The following RAB11FIP3 variants were observed in gnomAD, a reference collection of about 807,000 sequenced individuals.
RAB11FIP3 encodes the protein RAB11 family interacting protein 3, also known as rab11 family-interacting protein 3.
A neutral mutation model predicts 77.8 loss-of-function variants in RAB11FIP3; 17 were observed. The ratio of observed to expected loss-of-function variants is 0.22; its 90% CI spans 0.15 to 0.33. RAB11FIP3 has a LOEUF of 0.33. RAB11FIP3 is among the 10% of genes least tolerant of loss of function. The probability of loss-of-function intolerance (pLI) is 1.00; values close to 1 mark genes in which losing one functional copy is unlikely to be tolerated. For synonymous variants in RAB11FIP3, 437 were observed against 448.2 expected (o/e 0.98, Z 0.31); for missense variants, 1,005 against 1,011.2 (o/e 0.99, Z 0.08).
At chr16:489,769 G>A (rs2030005324) in intron 5 of RAB11FIP3, among the ~76,000 whole-genome samples, 1 of 152,236 alleles carries the variant, frequency 6.6e-6, no homozygotes, top group African/African-American at 2.4e-5. Context: ...GGTGGAGGGC[G>A]GTGCAGGAGG....
chr16:451,343 C>T (rs1268851443), intron 1 of RAB11FIP3: 1 of 152,210 alleles, frequency 6.6e-6, no homozygotes, highest in Non-Finnish European at 1.5e-5. Context: ...TGCCTCACCC[C>T]TGCACCTCAC....
chr16:446,173 G>A (rs1485047721), intron 1 of RAB11FIP3, among the ~76,000 whole-genome samples: 1 of 152,076 alleles, frequency 6.6e-6, no homozygotes, highest in Non-Finnish European at 1.5e-5. Context: ...GAGCCCAAGA[G>A]TTTGAAGCTG....
intron 5 of RAB11FIP3, among the ~76,000 whole-genome samples, chr16:490,040 A>G (rs977941226): frequency 1.3e-5 from 2 of 151,982 alleles, no homozygotes; most frequent in Non-Finnish European, 2.9e-5. Context: ...GCGTTTCTAA[A>G]CTTGGGTCTC....
chr16:483,794 C>T (rs192870478), intron 4 of RAB11FIP3, among the ~76,000 whole-genome samples: 46 of 152,016 alleles, frequency 3.0e-4, no homozygotes, highest in Non-Finnish European at 5.4e-4. Flanking sequence ...TATCTTAAGC[C>T]GAGGCATTCC....
chr16:508,298 C>T (rs937066228), intron 8 of RAB11FIP3, among the ~76,000 whole-genome samples: 2 of 152,230 alleles, frequency 1.3e-5, no homozygotes, highest in Non-Finnish European at 2.9e-5. Context: ...GTTTCCCACC[C>T]TACATACTTG....
rs530866454 is a variant in RAB11FIP3 at position 485,087 on chromosome 16, T to C, written c.1115+2351T>C. On this transcript the variant is annotated intron_variant, in intron 4 of 13. Coordinates refer to ENST00000262305, the MANE Select transcript of RAB11FIP3 (RefSeq NM_014700.4). ...GGAGCTCCTCTGCCTGCTCACTGCTTGCGGGAGGGGTCTGCAGACTTTTTC... is the reference window on the plus strand; with the variant it reads ...GGAGCTCCTCTGCCTGCTCACTGCTCGCGGGAGGGGTCTGCAGACTTTTTC... 1.1e-4 allele frequency among the ~76,000 whole-genome samples: 16 copies of C among 152,174 alleles called. No homozygotes were observed. The East Asian group carries it at 2.7e-3, about 26-fold the overall frequency.
intron 10 of RAB11FIP3, 128 bp from the exon 11 acceptor site, chr16:519,626 G>A (rs2032577404): frequency 7.8e-6 from 10 of 1,274,828 alleles, no homozygotes; most frequent in African/African-American, 3.0e-5. Context: ...GCCCTGTCGC[G>A]CTCCAAGCAC....
chr16:431,040 A>G (rs1254988634), intron 1 of RAB11FIP3, among the ~76,000 whole-genome samples: 1 of 152,092 alleles, frequency 6.6e-6, no homozygotes, highest in Non-Finnish European at 1.5e-5. Flanking sequence ...TTAGCCTTGA[A>G]TTTGAGTGAA....
rs186119323 is a variant in RAB11FIP3, at chr16:435,199, C to G, written c.714+8479C>G. Among the ~76,000 whole-genome samples the G allele has an allele frequency of 8.3e-3, 1,210 of 146,274 alleles. 16 individuals are homozygous for G. Among genetic ancestry groups the G allele is most frequent in the African/African-American group, 0.03 (1,151 of 38,546 alleles). On this transcript the variant is annotated intron_variant, in intron 1 of 13. Coordinates refer to ENST00000262305, the MANE Select transcript of RAB11FIP3 (RefSeq NM_014700.4). The stretch of plus-strand genomic sequence containing the variant: ...CAGCCTGGGCGACAGAGCGAGACTC[C>G]GTCTCAAAAAAAAAAAAAAAAAGTT...
At chr16:504,033 CACT>C (rs1368892922) in intron 7 of RAB11FIP3, among the ~76,000 whole-genome samples, 2 of 65,886 alleles carry the variant, frequency 3.0e-5, no homozygotes, top group African/African-American at 6.1e-5. Flanking sequence ...TGTACCCCCT[CACT>C]ACCTCCTGTA....
intron 1 of RAB11FIP3, among the ~76,000 whole-genome samples, chr16:438,458 T>C (rs1287615455): frequency 1.4e-5 from 2 of 138,940 alleles, no homozygotes; most frequent in African/African-American, 5.6e-5. Context: ...CAGGCTGGAG[T>C]GCAGTGGCAC....
rs551554932 is a variant in RAB11FIP3 at position 444,645 on chromosome 16, C to T, written c.715-16759C>T. On this transcript the variant is annotated intron_variant, in intron 1 of 13. Transcript: ENST00000262305. ...GGTGTTTTACTTGAGGTCAGGAGTT[C>T]GAAACCAGCCTGGGCAACACAGCGA... 4.0e-5 allele frequency among the ~76,000 whole-genome samples: 6 copies of T among 150,904 alleles called. No individual in the cohort carries two copies. The South Asian group carries it at 6.3e-4, about 16-fold the overall frequency.
In RAB11FIP3 at chr16:461,597, T is replaced by C. The variant is rs890272486; in HGVS notation, c.808+100T>C. On this transcript the variant is annotated intron_variant, in intron 2 of 13. Coordinates refer to ENST00000262305, the MANE Select transcript of RAB11FIP3 (RefSeq NM_014700.4). This position sits in a 1 kb window ranked among gnomAD's most constrained non-coding sequence, Gnocchi z 4.5. The stretch of plus-strand genomic sequence containing the variant: ...CAGGCTCCTCGTGCTGACTCTAACA[T>C]CTTTCCTTCTCCTTGAAGCCCCCAA... 1.0e-6 allele frequency: 1 copy of C among 957,254 alleles called. No homozygotes were observed. Among genetic ancestry groups the C allele is most frequent in the African/African-American group, 1.6e-5 (1 of 60,938 alleles). 59.3% of individuals were successfully genotyped at this position (957,254 alleles called of 1,614,324 possible).
chr16:456,786 C>T (rs187235690), intron 1 of RAB11FIP3, among the ~76,000 whole-genome samples: 22 of 152,202 alleles, frequency 1.4e-4, no homozygotes, highest in Admixed American at 8.5e-4. Context: ...AACAAAAAAA[C>T]AACAACAAAT....
At chr16:447,992 GA>G (rs35119718) in intron 1 of RAB11FIP3, among the ~76,000 whole-genome samples, 2 of 64,200 alleles carry the variant, frequency 3.1e-5, no homozygotes, top group Non-Finnish European at 5.1e-5. Context: ...AAAGGAAAAA[GA>G]AAAAAAACTG....
chr16:489,024 A>G, intron 5 of RAB11FIP3, 24 bp downstream of exon 5: 1 of 1,601,504 alleles, frequency 6.2e-7, no homozygotes, highest in East Asian at 2.3e-5. Flanking sequence ...GTTCCAGCAC[A>G]CCCTCCTCCC....
At chr16:441,678 C>G (rs1160661170) in intron 1 of RAB11FIP3, among the ~76,000 whole-genome samples, 1 of 152,218 alleles carries the variant, frequency 6.6e-6, no homozygotes, top group Non-Finnish European at 1.5e-5. Context: ...CCCCATGCTG[C>G]TCCTTTCTTG....
intron 1 of RAB11FIP3, among the ~76,000 whole-genome samples, chr16:430,974 G>A (rs1401603722): frequency 1.3e-5 from 2 of 152,248 alleles, no homozygotes; most frequent in Non-Finnish European, 2.9e-5. Flanking sequence ...GCAGGCATGA[G>A]CCGTAGCGCC....
At position 518,931 on chromosome 16, in the gene RAB11FIP3, C is replaced by T. The variant is rs756148516; in HGVS notation, c.1641-12C>T. 14 of 1,613,450 alleles carry T rather than the reference C, an allele frequency of 8.7e-6. No individual in the cohort carries two copies. The South Asian group carries it at 8.8e-5, about 10-fold the overall frequency. ...TCCTGGAGTGAGTTTCAGCTTTGTTCTTGTGTCCCAGGCTACAGCAACTGG... is the reference window on the plus strand; with the variant it reads ...TCCTGGAGTGAGTTTCAGCTTTGTTTTTGTGTCCCAGGCTACAGCAACTGG... On this transcript the variant is annotated splice_polypyrimidine_tract_variant and intron_variant, in intron 9 of 13. Coordinates refer to ENST00000262305, the MANE Select transcript of RAB11FIP3 (RefSeq NM_014700.4).
Sources: gnomAD v4.1 joint callset for allele counts (sites outside exome capture counted in the v4.1 genomes callset) on GRCh38, gnomAD v4.1.1 for gene constraint, Gnocchi (gnomAD v3.1) non-coding constraint, MANE v1.5 for transcripts, NCBI Gene and HGNC (gene_info 2026-07-23, HGNC 2026-07-21) for gene names.